The following PALMD variants were observed in gnomAD, a reference collection of about 807,000 sequenced individuals.
PALMD encodes palmdelphin.
A neutral mutation model predicts 56.2 loss-of-function variants in PALMD; 42 were observed. The ratio of observed to expected loss-of-function variants is 0.75; its 90% CI spans 0.58 to 0.97. The LOEUF (loss-of-function observed/expected upper bound fraction) is 0.97, where lower values mean the gene tolerates loss of function less well. Ranked by LOEUF, PALMD falls within the 50% of genes least tolerant of loss-of-function variation. PALMD has a pLI of 0.00. For missense variants in PALMD, 660 were observed against 643.8 expected, an observed-to-expected ratio of 1.03 and a Z score of -0.27; for synonymous variants, 242 against 222.9, an observed-to-expected ratio of 1.09 and a Z score of -0.76.
chr1:99,680,875 G>A (rs12069629), intron 3 of PALMD, among the ~76,000 whole-genome samples: 17,806 of 151,334 alleles, frequency 0.12, 1,498 homozygotes, highest in African/African-American at 0.22. Context: ...TTGCCTTCTG[G>A]AAAACCTCTT....
chr1:99,657,138 T>C (rs1288463720), intron 1 of PALMD, among the ~76,000 whole-genome samples: 1 of 152,138 alleles, frequency 6.6e-6, no homozygotes, highest in Admixed American at 6.6e-5. Flanking sequence ...CTCATCATGC[T>C]CTCATCTATC....
chr1:99,668,053 T>C (rs1329410039), intron 3 of PALMD: 3 of 295,412 alleles, frequency 1.0e-5, no homozygotes, highest in Non-Finnish European at 1.9e-5. Context: ...CTAATTTTTG[T>C]ATTTTTGTAG....
intron 3 of PALMD, among the ~76,000 whole-genome samples, chr1:99,673,628 G>A (rs892157347): frequency 6.6e-6 from 1 of 152,064 alleles, no homozygotes; most frequent in Non-Finnish European, 1.5e-5. Flanking sequence ...TGACTAATTG[G>A]TTTACCAGAT....
chr1:99,659,612 C>T (rs543725942), intron 1 of PALMD, among the ~76,000 whole-genome samples: 6 of 152,148 alleles, frequency 3.9e-5, no homozygotes, highest in African/African-American at 1.4e-4. Flanking sequence ...TACTAGCAAT[C>T]GAGCTAGATA....
At chr1:99,686,870 C>T (rs1311492432) in intron 4 of PALMD, 60 bp from the exon 5 acceptor site, 2 of 1,379,776 alleles carry the variant, frequency 1.4e-6, no homozygotes, top group East Asian at 4.6e-5. Context: ...CAAAGCATAT[C>T]CACATTTAGA....
At chr1:99,684,745 A>G (rs150591964) in intron 3 of PALMD, 26 of 152,488 alleles carry the variant, frequency 1.7e-4, no homozygotes, top group African/African-American at 5.8e-4. Context: ...TCTAACTCCT[A>G]GGCTCAAGCA....
chr1:99,658,494 G>A (rs567891264), intron 1 of PALMD, among the ~76,000 whole-genome samples: 11 of 150,632 alleles, frequency 7.3e-5, no homozygotes, highest in African/African-American at 1.2e-4. Flanking sequence ...AATATAGGCC[G>A]GGCACGGTGG....
intron 7 of PALMD, among the ~76,000 whole-genome samples, chr1:99,691,721 A>G (rs1436691791): frequency 1.3e-5 from 2 of 152,130 alleles, no homozygotes; most frequent in African/African-American, 4.8e-5. Context: ...GCTTCTCCCC[A>G]TAACTCCCCC....
intron 1 of PALMD, among the ~76,000 whole-genome samples, chr1:99,658,896 T>C (rs150765854): frequency 0.011 from 1,626 of 151,412 alleles, 30 homozygotes; most frequent in African/African-American, 0.038. Flanking sequence ...CAGTGAGCTA[T>C]GATTATGCCA....
chr1:99,660,677 A>G (rs1299638071), intron 1 of PALMD, among the ~76,000 whole-genome samples: 1 of 152,134 alleles, frequency 6.6e-6, no homozygotes, highest in Non-Finnish European at 1.5e-5. Context: ...AAATTTTAAA[A>G]GTAAGCTGAT....
At chr1:99,657,845 A>G (rs1652760602) in intron 1 of PALMD, among the ~76,000 whole-genome samples, 1 of 152,032 alleles carries the variant, frequency 6.6e-6, no homozygotes, top group Non-Finnish European at 1.5e-5. Context: ...CCCTTTCTCC[A>G]TACTCCCCAG....
intron 3 of PALMD, among the ~76,000 whole-genome samples, chr1:99,670,316 TA>T (rs1653054610): frequency 6.6e-6 from 1 of 152,154 alleles, no homozygotes; most frequent in African/African-American, 2.4e-5. Flanking sequence ...GTAATAATAA[TA>T]GTAATGGTTC....
At chr1:99,651,419 C>A (rs1363826312) in intron 1 of PALMD, among the ~76,000 whole-genome samples, 2 of 152,172 alleles carry the variant, frequency 1.3e-5, no homozygotes, top group Non-Finnish European at 2.9e-5. Flanking sequence ...ACTTTCTGAA[C>A]ATTACTGGAT....
At chr1:99,659,721 G>A (rs1306071550) in intron 1 of PALMD, among the ~76,000 whole-genome samples, 1 of 152,098 alleles carries the variant, frequency 6.6e-6, no homozygotes, top group Non-Finnish European at 1.5e-5. Flanking sequence ...ATGAAATTTG[G>A]CAAAGGAACA....
chr1:99,676,967 C>A (rs971721503), intron 3 of PALMD, among the ~76,000 whole-genome samples: 7 of 152,110 alleles, frequency 4.6e-5, no homozygotes, highest in Non-Finnish European at 1.0e-4. Context: ...GTCAAGATAA[C>A]TAAAGTCAAC....
chr1:99,689,440 G>T lies in PALMD; in HGVS notation c.1180G>T (p.Asp394Tyr). 1 of 1,613,756 alleles carries T rather than the reference G, an allele frequency of 6.2e-7. No homozygotes were observed. Among genetic ancestry groups the T allele is most frequent in the South Asian group, 1.1e-5 (1 of 91,078 alleles). ...ACCCACTTGTCAGGAGGACGAGGAA[G>T]ATGTCAGATATAATATCGTTCATTC... ...SSPTCQEDEE[D>Y]VRYNIVHSLP... The change falls in exon 7 of 8, where the codon GAT becomes TAT. Residue 394 changes from aspartate (D) to tyrosine (Y), a missense_variant. Asp to Tyr is a radical substitution (Grantham distance 160). Coordinates refer to ENST00000263174, the MANE Select transcript of PALMD (RefSeq NM_017734.5).
At chr1:99,652,033 A>G (rs1310152163) in intron 1 of PALMD, among the ~76,000 whole-genome samples, 2 of 152,264 alleles carry the variant, frequency 1.3e-5, no homozygotes, top group African/African-American at 2.4e-5. Flanking sequence ...TTCTAACAAT[A>G]ATAACAGTGC....
chr1:99,667,600 T>C, intron 2 of PALMD, 42 bp from the exon 3 acceptor site: 1 of 1,568,420 alleles, frequency 6.4e-7, no homozygotes, highest in Non-Finnish European at 8.7e-7. Flanking sequence ...TTGGAAATTA[T>C]TGACCAATAT....
intron 7 of PALMD, among the ~76,000 whole-genome samples, chr1:99,693,356 C>T (rs78608901): frequency 1.3e-5 from 2 of 152,214 alleles, no homozygotes; most frequent in East Asian, 3.9e-4. Flanking sequence ...TCCAGAATAC[C>T]AGAAAAGTGT....
Sources: allele counts gnomAD v4.1 joint callset (sites outside exome capture counted in the v4.1 genomes callset), GRCh38; gene constraint gnomAD v4.1.1; transcripts MANE v1.5; gene names NCBI Gene and HGNC (gene_info 2026-07-23, HGNC 2026-07-21).